Variants in ARMH3 observed in about 807,000 individuals in gnomAD.
The protein encoded by ARMH3 is armadillo-like helical domain-containing protein 3.
ARMH3 carries 60 observed loss-of-function variants against 99.1 expected under a neutral mutation model. The observed-to-expected ratio is 0.61, with a 90% CI of 0.49 to 0.75. The LOEUF is 0.75. ARMH3 is among the 30% of genes least tolerant of loss of function. ARMH3 has a pLI of 0.00. For synonymous variants in ARMH3, 285 were observed against 292.8 expected, an observed-to-expected ratio of 0.97 and a Z score of 0.27; for missense variants, 679 against 843.1, an observed-to-expected ratio of 0.81 and a Z score of 2.41.
intron 22 of ARMH3, 47 bp from the exon 23 acceptor site, chr10:101,939,985 A>G (rs1468655527): frequency 6.6e-7 from 1 of 1,517,446 alleles, no homozygotes; most frequent in African/African-American, 1.4e-5. Context: ...CCGGCATAAA[A>G]CACAAACATG....
intron 14 of ARMH3, among the ~76,000 whole-genome samples, chr10:102,004,106 C>A (rs1232524378): frequency 6.6e-6 from 1 of 152,058 alleles, no homozygotes; most frequent in African/African-American, 2.4e-5. Flanking sequence ...TTTTAGTTTA[C>A]CAGAAAGTCC....
In ARMH3 at chr10:101,907,181, T is replaced by G. The variant is rs1473878189; in HGVS notation, c.1782-17691A>C. 2.0e-5 allele frequency among the ~76,000 whole-genome samples: 3 copies of G among 152,296 alleles called. No homozygotes were observed. The East Asian group carries it at 5.8e-4, about 29-fold the overall frequency. On this transcript the variant is annotated intron_variant, in intron 23 of 25. Transcript: ENST00000370033. ...AAGCTTTGGTTCCTTTAAGTTCCTA[T>G]TTAGATACATTTATAGATATAATTT...
chr10:101,935,266 T>C (rs1843914561), intron 23 of ARMH3, among the ~76,000 whole-genome samples: 5 of 151,136 alleles, frequency 3.3e-5, no homozygotes, highest in Admixed American at 2.6e-4. Context: ...GGGCCCTGTT[T>C]GTGTTCCAAT....
At chr10:101,963,453 TAG>T (rs961633945) in intron 20 of ARMH3, among the ~76,000 whole-genome samples, 3 of 152,166 alleles carry the variant, frequency 2.0e-5, no homozygotes. Context: ...GTATTTTTAG[TAG>T]AGACGGGGTT....
chr10:101,933,891 T>TGTC (rs1843834011), intron 23 of ARMH3, among the ~76,000 whole-genome samples: 1 of 152,230 alleles, frequency 6.6e-6, no homozygotes, highest in African/African-American at 2.4e-5. Context: ...TTCACTAGAC[T>TGTC]AAGTTGCATC....
intron 24 of ARMH3, among the ~76,000 whole-genome samples, chr10:101,852,977 AG>A (rs2066640252): frequency 6.7e-6 from 1 of 150,080 alleles, no homozygotes; most frequent in African/African-American, 2.5e-5. Flanking sequence ...TCCACCTCAC[AG>A]GTTCAAGCGA....
intron 18 of ARMH3, among the ~76,000 whole-genome samples, 169 bp downstream of exon 18, chr10:101,991,800 G>C (rs940482920): frequency 6.6e-6 from 1 of 152,032 alleles, no homozygotes; most frequent in Non-Finnish European, 1.5e-5. Context: ...TCTATAACTG[G>C]GGTTGCTTTA....
chr10:102,005,101 G>A (rs769994287), intron 14 of ARMH3, among the ~76,000 whole-genome samples: 1 of 152,222 alleles, frequency 6.6e-6, no homozygotes, highest in Non-Finnish European at 1.5e-5. Flanking sequence ...GGAGGCTGAG[G>A]CAGGAGAATC....
chr10:102,047,632 ACACACCAC>A (rs2067588637), intron 1 of ARMH3, among the ~76,000 whole-genome samples: 1 of 151,876 alleles, frequency 6.6e-6, no homozygotes, highest in South Asian at 2.1e-4. Flanking sequence ...GACTACAGGC[ACACACCAC>A]CACACCTGGC....
intron 14 of ARMH3, 144 bp downstream of exon 14, chr10:102,006,396 T>C (rs1175620086): frequency 4.0e-6 from 3 of 748,870 alleles, no homozygotes. Context: ...TTTGGAAATT[T>C]AGGAGGCCTG....
intron 1 of ARMH3, among the ~76,000 whole-genome samples, chr10:102,051,764 A>G (rs555834295): frequency 1.3e-5 from 2 of 152,248 alleles, no homozygotes; most frequent in Non-Finnish European, 2.9e-5. Flanking sequence ...TGTACCTACT[A>G]CAGGTCAACT....
intron 23 of ARMH3, among the ~76,000 whole-genome samples, chr10:101,890,098 A>G (rs1589972134): frequency 6.6e-6 from 1 of 152,172 alleles, no homozygotes; most frequent in East Asian, 1.9e-4. Flanking sequence ...CCCTGAAACC[A>G]GTGCCTTGGT....
Position 101,846,101 on chromosome 10 carries a change from T to C in ARMH3, c.*1427A>G, listed in dbSNP as rs2066462458. ...GGAGGAACCACAAGCCAACTCCCCA[T>C]AAGTCAGGAGATTTGCCTGTGGCCC... On this transcript the variant is annotated 3_prime_UTR_variant, in exon 26 of 26. Transcript: ENST00000370033. 1 of 152,266 alleles carries C rather than the reference T, an allele frequency of 6.6e-6. No homozygotes were observed. Among genetic ancestry groups the C allele is most frequent in the African/African-American group, 2.4e-5 (1 of 41,434 alleles). 9.4% of individuals were successfully genotyped at this position (152,266 alleles called of 1,614,324 possible). A position where few individuals can be genotyped will look rare whatever the true frequency, so the allele number is the denominator to read the frequency against.
At chr10:102,036,086 C>T (rs1487098248) in intron 2 of ARMH3, among the ~76,000 whole-genome samples, 6 of 151,414 alleles carry the variant, frequency 4.0e-5, no homozygotes, top group African/African-American at 1.2e-4. Flanking sequence ...AGCACCTCCG[C>T]CCGGCAGCCA....
At chr10:101,986,451 T>C (rs1354799963) in intron 19 of ARMH3, among the ~76,000 whole-genome samples, 1 of 151,986 alleles carries the variant, frequency 6.6e-6, no homozygotes, top group Non-Finnish European at 1.5e-5. Context: ...ACCTTTCTTT[T>C]TTTTTTTTTC....
At chr10:101,986,487 A>ATGG (rs1176501972) in intron 19 of ARMH3, among the ~76,000 whole-genome samples, 6 of 150,434 alleles carry the variant, frequency 4.0e-5, no homozygotes, top group Non-Finnish European at 8.9e-5. Context: ...TTCCCCCATC[A>ATGG]TTACCTACAG....
chr10:101,887,779 TC>T (rs1001726049), intron 24 of ARMH3, among the ~76,000 whole-genome samples: 3 of 151,918 alleles, frequency 2.0e-5, no homozygotes, highest in African/African-American at 7.3e-5. Context: ...TGCTATCCTT[TC>T]CCCATTCTCC....
At chr10:101,901,621 C>T (rs1393735675) in intron 23 of ARMH3, among the ~76,000 whole-genome samples, 3 of 152,152 alleles carry the variant, frequency 2.0e-5, no homozygotes, top group Non-Finnish European at 2.9e-5. Flanking sequence ...CCAGCACTGA[C>T]TTATGTTGCT....
chr10:101,933,899 A>T (rs546614391), intron 23 of ARMH3, among the ~76,000 whole-genome samples: 1 of 152,338 alleles, frequency 6.6e-6, no homozygotes, highest in East Asian at 1.9e-4. Flanking sequence ...ACTAAGTTGC[A>T]TCCTTCAGCT....
Sources: gnomAD v4.1 joint callset for allele counts (sites outside exome capture counted in the v4.1 genomes callset) on GRCh38, gnomAD v4.1.1 for gene constraint, MANE v1.5 for transcripts, NCBI Gene and HGNC (gene_info 2026-07-23, HGNC 2026-07-21) for gene names.